Variants in TCF4 observed in about 807,000 individuals in gnomAD.
The protein encoded by TCF4 is SL3-3 enhancer factor 2.
Under a neutral mutation model 82.1 loss-of-function variants are expected in TCF4, and 3 were observed. The ratio of observed to expected loss-of-function variants is 0.04; its 90% CI spans 0.02 to 0.09. The LOEUF is 0.09. Ranked by LOEUF, TCF4 falls within the 10% of genes least tolerant of loss-of-function variation. TCF4 has a pLI of 1.00. For synonymous variants in TCF4, 276 were observed against 309.6 expected, an observed-to-expected ratio of 0.89 and a Z score of 1.14; for missense variants, 518 against 852.7, an observed-to-expected ratio of 0.61 and a Z score of 4.89.
At chr18:55,297,625 G>A (rs2066926170) in intron 8 of TCF4, among the ~76,000 whole-genome samples, 1 of 152,114 alleles carries the variant, frequency 6.6e-6, no homozygotes, top group Non-Finnish European at 1.5e-5. Flanking sequence ...CATTGTGCTG[G>A]CATCCTCTTT....
intron 3 of TCF4, chr18:55,510,652 T>C: frequency 6.7e-7 from 1 of 1,500,346 alleles, no homozygotes; most frequent in Non-Finnish European, 8.9e-7. Context: ...AATTCTAAAA[T>C]ACTACTTCGT....
intron 5 of TCF4, among the ~76,000 whole-genome samples, chr18:55,454,285 G>T (rs1254128336): frequency 1.3e-5 from 2 of 152,156 alleles, no homozygotes; most frequent in Non-Finnish European, 2.9e-5. Flanking sequence ...ATTTTGCCCA[G>T]TCAAGGATAT....
intron 11 of TCF4, chr18:55,266,271 AACTT>A (rs2059154329): frequency 6.6e-6 from 1 of 152,202 alleles, no homozygotes. Flanking sequence ...GGTATCTAAT[AACTT>A]ACTACACTTC....
intron 3 of TCF4, among the ~76,000 whole-genome samples, chr18:55,520,637 A>G (rs1244384365): frequency 6.6e-6 from 1 of 152,202 alleles, no homozygotes; most frequent in East Asian, 1.9e-4. Context: ...CTGTGAATTT[A>G]TAAATGAAGA....
chr18:55,358,361 G>A (rs1294465123), intron 6 of TCF4, among the ~76,000 whole-genome samples: 1 of 152,240 alleles, frequency 6.6e-6, no homozygotes, highest in Non-Finnish European at 1.5e-5. Context: ...GGTAGTAATA[G>A]TAGTATGAGG....
chr18:55,500,532 T>A (rs181469083), intron 3 of TCF4, among the ~76,000 whole-genome samples: 9 of 152,294 alleles, frequency 5.9e-5, no homozygotes, highest in African/African-American at 2.2e-4. Flanking sequence ...ATTTAATGAG[T>A]CATTCAGCCA....
intron 3 of TCF4, among the ~76,000 whole-genome samples, chr18:55,576,371 TTGGA>T (rs1463124668): frequency 6.6e-6 from 1 of 152,110 alleles, no homozygotes; most frequent in East Asian, 1.9e-4. Context: ...ACATATACTT[TTGGA>T]TGGAACTGGA....
chr18:55,616,978 G>A (rs971826154), intron 2 of TCF4, among the ~76,000 whole-genome samples: 3 of 152,096 alleles, frequency 2.0e-5, no homozygotes, highest in African/African-American at 2.4e-5. Context: ...TGCTGCTTGT[G>A]TTTTGCTGTC....
intron 3 of TCF4, among the ~76,000 whole-genome samples, chr18:55,493,314 A>T (rs2096595071): frequency 6.6e-6 from 1 of 152,212 alleles, no homozygotes; most frequent in Non-Finnish European, 1.5e-5. Context: ...GAGGTATTTC[A>T]TGAAAAAAGG....
At chr18:55,614,687 A>G (rs937201527) in intron 2 of TCF4, among the ~76,000 whole-genome samples, 1 of 152,138 alleles carries the variant, frequency 6.6e-6, no homozygotes, top group African/African-American at 2.4e-5. Context: ...ATCTGGAAGT[A>G]TTTTCTAGCA....
intron 5 of TCF4, among the ~76,000 whole-genome samples, chr18:55,460,196 T>G (rs1243440431): frequency 6.6e-6 from 1 of 152,260 alleles, no homozygotes; most frequent in East Asian, 1.9e-4. Context: ...CTCAAGAGAA[T>G]TTGGCCAGGT....
rs553758593 is a variant in TCF4, at chr18:55,568,886, A to G, written c.145+16394T>C. Among the ~76,000 whole-genome samples, 4 of 152,330 alleles carry G rather than the reference A, an allele frequency of 2.6e-5. No individual in the cohort carries two copies. The East Asian group carries it at 5.8e-4, about 22-fold the overall frequency. On this transcript the variant is annotated intron_variant, in intron 3 of 19. Transcript: ENST00000354452. ...CCAGGACAATATTTTTAAAAGAGTA[A>G]TGAAGCTACATCATTAATTTCATCC...
chr18:55,287,009 C>G (rs951120153), intron 8 of TCF4, among the ~76,000 whole-genome samples: 2 of 152,010 alleles, frequency 1.3e-5, no homozygotes, highest in African/African-American at 4.8e-5. Flanking sequence ...CTAAATAGTT[C>G]TAAGTGCCCC....
intron 8 of TCF4, among the ~76,000 whole-genome samples, chr18:55,286,182 A>C (rs2063629496): frequency 1.3e-5 from 2 of 152,130 alleles, no homozygotes; most frequent in Non-Finnish European, 2.9e-5. Flanking sequence ...ATAAAAGCTG[A>C]ATATGTTTTT....
chr18:55,577,263 T>A (rs1395871117), intron 3 of TCF4, among the ~76,000 whole-genome samples: 2 of 147,224 alleles, frequency 1.4e-5, no homozygotes, highest in Middle Eastern at 3.3e-3. Flanking sequence ...TATTTATACA[T>A]ATATGTGTAT....
chr18:55,499,998 C>T (rs1387459888), intron 3 of TCF4, among the ~76,000 whole-genome samples: 1 of 151,966 alleles, frequency 6.6e-6, no homozygotes, highest in African/African-American at 2.4e-5. Flanking sequence ...GCCTGGCCAA[C>T]ATGGTGAAAC....
At chr18:55,349,533 T>C (rs1466510141) in intron 8 of TCF4, among the ~76,000 whole-genome samples, 1 of 151,824 alleles carries the variant, frequency 6.6e-6, no homozygotes, top group Non-Finnish European at 1.5e-5. Flanking sequence ...CAAAACTTTA[T>C]ATCACAGCAA....
chr18:55,527,009 G>T (rs987855613), intron 3 of TCF4, among the ~76,000 whole-genome samples: 6 of 152,148 alleles, frequency 3.9e-5, no homozygotes, highest in Admixed American at 3.3e-4. Context: ...AGTCTGGACA[G>T]ATATTTTTCA....
chr18:55,351,659 G>T, intron 6 of TCF4: 1 of 206,938 alleles, frequency 4.8e-6, no homozygotes, highest in Non-Finnish European at 8.5e-6. Flanking sequence ...ACATCCCACA[G>T]ATTAAACATT....
Sources: allele counts gnomAD v4.1 joint callset (sites outside exome capture counted in the v4.1 genomes callset), GRCh38; gene constraint gnomAD v4.1.1; transcripts MANE v1.5; gene names NCBI Gene and HGNC (gene_info 2026-07-23, HGNC 2026-07-21).